ATP13A5: variants seen among roughly 807,000 people sequenced by gnomAD.
ATP13A5 encodes probable cation-transporting ATPase 13A5.
A neutral mutation model predicts 150.2 loss-of-function variants in ATP13A5; 149 were observed. That is an observed-to-expected ratio of 0.99 (90% CI 0.87 to 1.14). The LOEUF is 1.14. Ranked by LOEUF, ATP13A5 falls within the 50% of genes most tolerant of loss-of-function variation. The pLI is 0.00. For missense variants in ATP13A5, 1,383 were observed against 1,449.3 expected (o/e 0.95, Z 0.74); for synonymous variants, 497 against 522.2 (o/e 0.95, Z 0.66).
rs190593640 is a variant in ATP13A5 at position 193,288,830 on chromosome 3, G to A, written c.3023+1055C>T. Reference sequence around the variant, plus strand: ...TCTAGTCCAATATACTTACATTAAGGTAATAAAATTGAGGGCTAGTATGGC... The same window carrying A: ...TCTAGTCCAATATACTTACATTAAGATAATAAAATTGAGGGCTAGTATGGC... On this transcript the variant is annotated intron_variant, in intron 26 of 29. Transcript: ENST00000342358. Among the ~76,000 whole-genome samples, 109 of 152,112 alleles carry A rather than the reference G, an allele frequency of 7.2e-4. 1 individual carries two copies. Among genetic ancestry groups the A allele is most frequent in the Admixed American group, 2.6e-3 (40 of 15,272 alleles).
chr3:193,336,599 G>C (rs1259401559), intron 9 of ATP13A5, among the ~76,000 whole-genome samples: 11 of 152,184 alleles, frequency 7.2e-5, no homozygotes, highest in Non-Finnish European at 1.0e-4. Context: ...GTATTCCATG[G>C]TGTATATGTG....
chr3:193,284,880 A>G, intron 27 of ATP13A5, 34 bp downstream of exon 27: 2 of 1,543,730 alleles, frequency 1.3e-6, no homozygotes. Context: ...ATGGGAAAAT[A>G]TTCAGAAAGA....
chr3:193,356,811 T>C (rs933400373), intron 5 of ATP13A5, among the ~76,000 whole-genome samples: 2 of 141,640 alleles, frequency 1.4e-5, no homozygotes, highest in Non-Finnish European at 3.0e-5. Context: ...AGAAACAGAT[T>C]TTTTTTTCTT....
chr3:193,279,914 G>A (rs1009349458), intron 27 of ATP13A5, among the ~76,000 whole-genome samples: 3 of 120,862 alleles, frequency 2.5e-5, no homozygotes, highest in Non-Finnish European at 4.8e-5. Flanking sequence ...AATTGGAAAG[G>A]TAAACCATAA....
intron 5 of ATP13A5, among the ~76,000 whole-genome samples, chr3:193,358,267 C>G (rs986144861): frequency 6.6e-6 from 1 of 152,128 alleles, no homozygotes; most frequent in African/African-American, 2.4e-5. Flanking sequence ...AGGAAGCAGA[C>G]ATGTAGAGGT....
At chr3:193,333,664 A>G (rs1711728730) in intron 11 of ATP13A5, 86 bp downstream of exon 11, 3 of 1,303,578 alleles carry the variant, frequency 2.3e-6, no homozygotes, top group Non-Finnish European at 3.2e-6. Context: ...TGATGGGATC[A>G]AGATGTAACC....
rs113531132 is a variant in ATP13A5 at position 193,278,714 on chromosome 3, A to G, written c.3315+652T>C. On this transcript the variant is annotated intron_variant, in intron 28 of 29. Coordinates refer to ENST00000342358, the MANE Select transcript of ATP13A5 (RefSeq NM_198505.4). ...GTCCACAGTGGGGCCTCCTTCTTCTATGTTCTTCCCAGTTCTGTCTGTCTT... is the reference window on the plus strand; with the variant it reads ...GTCCACAGTGGGGCCTCCTTCTTCTGTGTTCTTCCCAGTTCTGTCTGTCTT... 7.4e-4 allele frequency among the ~76,000 whole-genome samples: 113 copies of G among 152,174 alleles called. 1 individual carries two copies. Among genetic ancestry groups the G allele is most frequent in the African/African-American group, 2.6e-3 (110 of 41,514 alleles).
chr3:193,315,955 T>C (rs1163827082), intron 17 of ATP13A5, among the ~76,000 whole-genome samples: 1 of 152,090 alleles, frequency 6.6e-6, no homozygotes, highest in Non-Finnish European at 1.5e-5. Context: ...CAACTTCCTA[T>C]TTCCCCCTCC....
At position 193,310,644 on chromosome 3, in the gene ATP13A5, T is replaced by A. The variant is rs751844627; in HGVS notation, c.2519A>T (p.Lys840Ile). ...QKSSLIEEFQKLNYYVGMCGD... is the reference protein window; with the variant it reads ...QKSSLIEEFQILNYYVGMCGD... ...TTCATGCCATGACACCTACTTTAAT[T>A]TCTGAAATTCTTCAATAAGGCTTGA... Residue 840 changes from lysine (K) to isoleucine (I), a missense_variant, in exon 21 of 30, where the codon AAA becomes ATA. Physicochemically the swap from Lys to Ile is moderately radical, Grantham distance 102. Around this residue, in one of 3 missense-constraint regions of ATP13A5, gnomAD observed 568 missense variants for 621.5 expected, o/e 0.91. Coordinates refer to ENST00000342358, the MANE Select transcript of ATP13A5 (RefSeq NM_198505.4). 6.2e-6 allele frequency: 10 copies of A among 1,605,750 alleles called. No individual in the cohort carries two copies. The East Asian group carries it at 2.2e-4, about 36-fold the overall frequency.
At chr3:193,356,616 C>T (rs1354834174) in intron 5 of ATP13A5, among the ~76,000 whole-genome samples, 2 of 152,044 alleles carry the variant, frequency 1.3e-5, no homozygotes, top group African/African-American at 2.4e-5. Context: ...GAGAAAAATA[C>T]ATAAAGCATT....
intron 1 of ATP13A5, among the ~76,000 whole-genome samples, chr3:193,369,437 A>T (rs1288750230): frequency 6.6e-6 from 1 of 152,098 alleles, no homozygotes; most frequent in East Asian, 1.9e-4. Context: ...TTGGGTGGGG[A>T]CACAGCCAAA....
chr3:193,373,278 C>T (rs997399301), intron 1 of ATP13A5, among the ~76,000 whole-genome samples: 3 of 152,040 alleles, frequency 2.0e-5, no homozygotes, highest in African/African-American at 7.3e-5. Flanking sequence ...GCTGGGATTA[C>T]AGGCAGCTGC....
chr3:193,311,031 A>T (rs1008731917), intron 20 of ATP13A5, among the ~76,000 whole-genome samples: 6 of 152,358 alleles, frequency 3.9e-5, no homozygotes, highest in African/African-American at 1.4e-4. Flanking sequence ...GAGGAAACAC[A>T]GTTCTTTCCT....
rs1713692569 is a variant in ATP13A5 at position 193,377,760 on chromosome 3, C to T, written c.63+903G>A. Among the ~76,000 whole-genome samples the T allele has an allele frequency of 3.3e-5, 5 of 152,142 alleles. No individual in the cohort carries two copies. The South Asian group carries it at 1.0e-3, about 32-fold the overall frequency. On this transcript the variant is annotated intron_variant, in intron 1 of 29. Coordinates refer to ENST00000342358, the MANE Select transcript of ATP13A5 (RefSeq NM_198505.4). ...ACCATGTTCTCCAAGTTCTTTGGGG[C>T]CCCCAAATGTGCCCTCACTCTGACC...
intron 5 of ATP13A5, among the ~76,000 whole-genome samples, chr3:193,357,089 C>T (rs1673276444): frequency 6.6e-6 from 1 of 152,180 alleles, no homozygotes; most frequent in South Asian, 2.1e-4. Flanking sequence ...GCTGGGATTA[C>T]AGGCATGAGC....
Position 193,364,236 on chromosome 3 carries a change from G to A in ATP13A5, c.108C>T (p.Cys36=). 1 of 1,614,098 alleles carries A rather than the reference G, an allele frequency of 6.2e-7. No individual in the cohort carries two copies. The highest frequency in any genetic ancestry group is 8.5e-7 in the Non-Finnish European group (1 of 1,179,968). The part of the protein sequence containing the change: ...YRDHNVRKAF[C]LVASVLTCGG... Reference sequence around the variant, plus strand: ...CACAGGTCAGCACGGATGCGACAAGGCAGAAGGCTTTCCGTACATTGTGGT... The same window carrying A: ...CACAGGTCAGCACGGATGCGACAAGACAGAAGGCTTTCCGTACATTGTGGT... The change falls in exon 2 of 30, where the codon TGC becomes TGT. Residue 36 remains cysteine (C), a synonymous_variant. Coordinates refer to ENST00000342358, the MANE Select transcript of ATP13A5 (RefSeq NM_198505.4).
chr3:193,351,618 T>A (rs1712566360), intron 6 of ATP13A5, among the ~76,000 whole-genome samples: 1 of 152,190 alleles, frequency 6.6e-6, no homozygotes, highest in Non-Finnish European at 1.5e-5. Context: ...TGCTGCAGAT[T>A]TAGTCAAGTT....
chr3:193,368,156 C>T (rs921466680), intron 1 of ATP13A5, among the ~76,000 whole-genome samples: 1 of 151,966 alleles, frequency 6.6e-6, no homozygotes, highest in Admixed American at 6.6e-5. Context: ...TATAGGAAAA[C>T]CAATTGTGTT....
intron 1 of ATP13A5, among the ~76,000 whole-genome samples, chr3:193,366,215 G>A (rs1713233129): frequency 6.6e-6 from 1 of 151,932 alleles, no homozygotes; most frequent in South Asian, 2.1e-4. Context: ...GAATAAATGG[G>A]AAACAAGAAG....
Sources: gnomAD v4.1 joint callset for allele counts (sites outside exome capture counted in the v4.1 genomes callset) on GRCh38, gnomAD v4.1.1 for gene constraint, gnomAD v4.1.1 regional missense constraint, MANE v1.5 for transcripts, NCBI Gene and HGNC (gene_info 2026-07-23, HGNC 2026-07-21) for gene names.